GPRIN3: variants seen among roughly 807,000 people sequenced by gnomAD.
The protein encoded by GPRIN3 is GPRIN family member 3, also known as G protein-regulated inducer of neurite outgrowth 3.
Under a neutral mutation model 13.7 loss-of-function variants are expected in GPRIN3, and 12 were observed. The ratio of observed to expected loss-of-function variants is 0.87; its 90% CI spans 0.56 to 1.42. The LOEUF is 1.42. GPRIN3 is among the 40% of genes most tolerant of loss of function. GPRIN3 has a pLI of 0.00. For synonymous variants in GPRIN3, 377 were observed against 372.7 expected, an observed-to-expected ratio of 1.01 and a Z score of -0.13; for missense variants, 1,009 against 958.7, an observed-to-expected ratio of 1.05 and a Z score of -0.69.
At position 89,244,889 on chromosome 4, in the gene GPRIN3, C is replaced by A. The variant is rs1723046115; in HGVS notation, c.*2891G>T. ...TATAATGCATGAAAAAGAACCAAATCATATCTAAGAGAAATGAAGGGTAAA... is the reference window on the plus strand; with the variant it reads ...TATAATGCATGAAAAAGAACCAAATAATATCTAAGAGAAATGAAGGGTAAA... On this transcript the variant is annotated 3_prime_UTR_variant, in exon 2 of 2. Coordinates refer to ENST00000609438, the MANE Select transcript of GPRIN3 (RefSeq NM_198281.3). 2 of 152,262 alleles carry A rather than the reference C, an allele frequency of 1.3e-5. No individual in the cohort carries two copies. Among genetic ancestry groups the A allele is most frequent in the South Asian group, 4.1e-4 (2 of 4,828 alleles). The allele number at this position is 152,262 out of a possible 1,614,324, so 9.4% of individuals were successfully genotyped here. A position where few individuals can be genotyped will look rare whatever the true frequency, so the allele number is the denominator to read the frequency against.
chr4:89,301,938 G>A (rs1003948593), intron 1 of GPRIN3, among the ~76,000 whole-genome samples: 2 of 152,146 alleles, frequency 1.3e-5, no homozygotes, highest in Non-Finnish European at 2.9e-5. Context: ...GCTTCTGTAA[G>A]TGTCACAAAG....
rs563734191 is a variant in GPRIN3, at chr4:89,239,533, C to T, written c.*8247G>A. 2 of 152,264 alleles carry T rather than the reference C, an allele frequency of 1.3e-5. No homozygotes were observed. The highest frequency in any genetic ancestry group is 4.8e-5 in the African/African-American group (2 of 41,558). The allele number at this position is 152,264 out of a possible 1,614,324, so 9.4% of individuals were successfully genotyped here. ...TCTTTTATTTTTATTTAATATACAA[C>T]GATGGCACATTCGTTCTCTAAAACA... is the stretch of plus-strand genomic sequence containing the variant. On this transcript the variant is annotated 3_prime_UTR_variant, in exon 2 of 2. Transcript: ENST00000609438.
At chr4:89,270,565 T>TTATTTATA (rs1553951327) in intron 1 of GPRIN3, among the ~76,000 whole-genome samples, 1 of 82,348 alleles carries the variant, frequency 1.2e-5, no homozygotes, top group Non-Finnish European at 2.2e-5. Context: ...TGTATATAAT[T>TTATTTATA]TATATATATA....
intron 1 of GPRIN3, among the ~76,000 whole-genome samples, chr4:89,268,317 G>A (rs1426977278): frequency 5.3e-5 from 8 of 152,172 alleles, no homozygotes; most frequent in Non-Finnish European, 1.0e-4. Context: ...TACAGAAGTG[G>A]CATTGGCAGC....
At chr4:89,290,662 T>A (rs1724547056) in intron 1 of GPRIN3, among the ~76,000 whole-genome samples, 1 of 152,214 alleles carries the variant, frequency 6.6e-6, no homozygotes, top group Admixed American at 6.5e-5. Context: ...ATTACAGTTA[T>A]TGAGGCATAT....
intron 1 of GPRIN3, among the ~76,000 whole-genome samples, chr4:89,300,441 T>C (rs1251649472): frequency 2.0e-5 from 3 of 152,142 alleles, no homozygotes; most frequent in Admixed American, 2.0e-4. Context: ...GAGGGCTTCA[T>C]TTTTTATAAT....
rs1722886403 is a variant in GPRIN3, at chr4:89,240,158, TCA to T, written c.*7620_*7621del. On this transcript the variant is annotated 3_prime_UTR_variant, in exon 2 of 2. Coordinates refer to ENST00000609438, the MANE Select transcript of GPRIN3 (RefSeq NM_198281.3). ...ATTATGATAAGCTGACAAATCTTGT[TCA>T]GAGTTGACACTTGCCAGCTAATGAT... 1 of 152,214 alleles carries T rather than the reference TCA, an allele frequency of 6.6e-6. No individual in the cohort carries two copies. Among genetic ancestry groups the T allele is most frequent in the Non-Finnish European group, 1.5e-5 (1 of 68,042 alleles). 9.4% of individuals were successfully genotyped at this position (152,214 alleles called of 1,614,324 possible). A position where few individuals can be genotyped will look rare whatever the true frequency, so the allele number is the denominator to read the frequency against.
At position 89,240,866 on chromosome 4, in the gene GPRIN3, T is replaced by G. The variant is rs182731409; in HGVS notation, c.*6914A>C. 1 of 152,238 alleles carries G rather than the reference T, an allele frequency of 6.6e-6. No homozygotes were observed. The highest frequency in any genetic ancestry group is 2.4e-5 in the African/African-American group (1 of 41,458). The allele number at this position is 152,238 out of a possible 1,614,324, so 9.4% of individuals were successfully genotyped here. ...TGCCTATATATGTGGATAAGCTATT[T>G]ACATTTTTATGTGTAGAAAATGAAA... On this transcript the variant is annotated 3_prime_UTR_variant, in exon 2 of 2. Transcript: ENST00000609438.
At chr4:89,275,675 G>T (rs1231035513) in intron 1 of GPRIN3, among the ~76,000 whole-genome samples, 3 of 152,126 alleles carry the variant, frequency 2.0e-5, no homozygotes, top group Non-Finnish European at 4.4e-5. Flanking sequence ...TTTCCTACCA[G>T]CCCTGCAAAG....
intron 1 of GPRIN3, among the ~76,000 whole-genome samples, chr4:89,297,990 C>T (rs1185276230): frequency 6.6e-6 from 1 of 152,114 alleles, no homozygotes; most frequent in African/African-American, 2.4e-5. Context: ...GAGCTGTTTT[C>T]TCTAATGAAT....
intron 1 of GPRIN3, among the ~76,000 whole-genome samples, chr4:89,253,665 G>A (rs1488930506): frequency 2.6e-5 from 4 of 152,198 alleles, no homozygotes; most frequent in African/African-American, 4.8e-5. Flanking sequence ...CTAACTTTTA[G>A]TTTAACTTTG....
chr4:89,274,085 G>T (rs936081807), intron 1 of GPRIN3, among the ~76,000 whole-genome samples: 3 of 152,226 alleles, frequency 2.0e-5, no homozygotes, highest in African/African-American at 7.2e-5. Flanking sequence ...ACAAATGGGG[G>T]AAGAGGGCTT....
Position 89,242,900 on chromosome 4 carries a change from C to T in GPRIN3, c.*4880G>A, listed in dbSNP as rs59278150. On this transcript the variant is annotated 3_prime_UTR_variant, in exon 2 of 2. Coordinates refer to ENST00000609438, the MANE Select transcript of GPRIN3 (RefSeq NM_198281.3). Reference sequence around the variant, plus strand: ...TGAATGTTGTTTATAATTATCATCACGTTTACTTACCTAACAGCCAAAAAT... The same window carrying T: ...TGAATGTTGTTTATAATTATCATCATGTTTACTTACCTAACAGCCAAAAAT... 1.8e-4 allele frequency: 28 copies of T among 152,314 alleles called. No homozygotes were observed. The highest frequency in any genetic ancestry group is 1.6e-3 in the Admixed American group (24 of 15,288). 9.4% of individuals were successfully genotyped at this position (152,314 alleles called of 1,614,324 possible).
At position 89,239,850 on chromosome 4, in the gene GPRIN3, CG is replaced by C. The variant is rs1434596997; in HGVS notation, c.*7929del. 1 of 152,026 alleles carries C rather than the reference CG, an allele frequency of 6.6e-6. No individual in the cohort carries two copies. Among genetic ancestry groups the C allele is most frequent in the Non-Finnish European group, 1.5e-5 (1 of 68,032 alleles). The allele number at this position is 152,026 out of a possible 1,614,324, so 9.4% of individuals were successfully genotyped here. A position where few individuals can be genotyped will look rare whatever the true frequency, so the allele number is the denominator to read the frequency against. ...CTAGTTTTTGTATTTTTAGTAGAGA[CG>C]GGGTTTTGCCATGTTGGCCAGGCTG... On this transcript the variant is annotated 3_prime_UTR_variant, in exon 2 of 2. Coordinates refer to ENST00000609438, the MANE Select transcript of GPRIN3 (RefSeq NM_198281.3).
rs568876535 is a variant in GPRIN3 at position 89,256,977 on chromosome 4, T to C, written c.-123-6744A>G. Among the ~76,000 whole-genome samples, 150 of 152,316 alleles carry C rather than the reference T, an allele frequency of 9.8e-4. 1 individual carries two copies. Among genetic ancestry groups the C allele is most frequent in the Non-Finnish European group, 1.9e-3 (129 of 68,028 alleles). ...AGAGTTTGAAGGAGAAGTGATTCAA[T>C]CCTAGGAAACAGCCACAGGCTGGGA... On this transcript the variant is annotated intron_variant, in intron 1 of 1. Coordinates refer to ENST00000609438, the MANE Select transcript of GPRIN3 (RefSeq NM_198281.3).
rs549661492 is a variant in GPRIN3, at chr4:89,272,293, G to C, written c.-123-22060C>G. On this transcript the variant is annotated intron_variant, in intron 1 of 1. Transcript: ENST00000609438. ...AAAAAGACTGCAGGAAAATTGAGTG[G>C]AAAGTGGAAGGCAACAGACTCATAA... Among the ~76,000 whole-genome samples, 22 of 152,262 alleles carry C rather than the reference G, an allele frequency of 1.4e-4. No individual in the cohort carries two copies. In the South Asian group the frequency reaches 4.6e-3, roughly 32 times the overall value.
Position 89,264,806 on chromosome 4 carries a change from T to C in GPRIN3, c.-123-14573A>G, listed in dbSNP as rs548273874. Among the ~76,000 whole-genome samples the C allele has an allele frequency of 1.2e-3, 178 of 152,328 alleles. 1 individual carries two copies. The highest frequency in any genetic ancestry group is 1.5e-3 in the Non-Finnish European group (103 of 68,024). ...ACTTCTGAAGCCCAGCTGAAATTAC[T>C]ATTTTTTTCCATAACATTAATCACC... On this transcript the variant is annotated intron_variant, in intron 1 of 1. Coordinates refer to ENST00000609438, the MANE Select transcript of GPRIN3 (RefSeq NM_198281.3).
intron 1 of GPRIN3, among the ~76,000 whole-genome samples, chr4:89,296,632 C>A (rs1272157968): frequency 6.6e-6 from 1 of 151,814 alleles, no homozygotes; most frequent in African/African-American, 2.4e-5. Flanking sequence ...AATAAAGACA[C>A]ATGTTTGTTT....
chr4:89,254,859 T>G (rs1723425271), intron 1 of GPRIN3, among the ~76,000 whole-genome samples: 1 of 152,204 alleles, frequency 6.6e-6, no homozygotes, highest in South Asian at 2.1e-4. Context: ...TTTTCCTTCT[T>G]TTTCTTTTGA....
Sources: allele counts gnomAD v4.1 joint callset (sites outside exome capture counted in the v4.1 genomes callset), GRCh38; gene constraint gnomAD v4.1.1; transcripts MANE v1.5; gene names NCBI Gene and HGNC (gene_info 2026-07-23, HGNC 2026-07-21).